Variants in FAM131B observed in about 807,000 individuals in gnomAD.
FAM131B encodes the protein family with sequence similarity 131 member B.
In FAM131B, 19 loss-of-function variants were observed where a neutral mutation model predicts 42.0. The ratio of observed to expected loss-of-function variants is 0.45; its 90% CI spans 0.32 to 0.66. The LOEUF (loss-of-function observed/expected upper bound fraction) is 0.66, where lower values mean the gene tolerates loss of function less well. Ranked by LOEUF, FAM131B falls within the 30% of genes least tolerant of loss-of-function variation. The pLI, the probability that FAM131B is intolerant of heterozygous loss-of-function variation, is 0.05. For synonymous variants in FAM131B, 183 were observed against 177.6 expected (o/e 1.03, Z -0.24); for missense variants, 370 against 468.4 (o/e 0.79, Z 1.94).
chr7:143,356,421 G>A lies in FAM131B; in HGVS notation c.*129C>T, dbSNP rs1803654957. 9.0e-6 allele frequency: 6 copies of A among 669,676 alleles called. No homozygotes were observed. Among genetic ancestry groups the A allele is most frequent in the Non-Finnish European group, 1.5e-5 (6 of 388,836 alleles). 41.5% of individuals were successfully genotyped at this position (669,676 alleles called of 1,614,324 possible). ...ATCCTGGTCCTCCATTTCCAGGAGA[G>A]GACTGGAAGCTCCTGGGTTCCCCAA... is the stretch of plus-strand genomic sequence containing the variant. On this transcript the variant is annotated 3_prime_UTR_variant, in exon 7 of 7. Transcript: ENST00000443739. The surrounding 1 kb of genome is among the most constrained non-coding windows in gnomAD (Gnocchi z 4.4).
chr7:143,374,841 T>C, the FAM131B span, among the ~76,000 whole-genome samples: 1 of 152,254 alleles, frequency 6.6e-6, no homozygotes, highest in African/African-American at 2.4e-5. Flanking sequence ...AGATCTCTGC[T>C]TGGGCTTCCC....
rs186207571 is a variant in FAM131B, at chr7:143,357,111, C to T, written c.611-89G>A. 1.5e-4 allele frequency: 174 copies of T among 1,167,160 alleles called. No homozygotes were observed. The Admixed American group carries it at 3.1e-3, about 21-fold the overall frequency. 72.3% of individuals were successfully genotyped at this position (1,167,160 alleles called of 1,614,324 possible). On this transcript the variant is annotated intron_variant, in intron 6 of 6. Transcript: ENST00000443739. ...GACAGCACAAGAGACAGCTAAGAGA[C>T]AGCACAGAGAACTGGCAGTAAGACA... is the stretch of plus-strand genomic sequence containing the variant.
chr7:143,380,729 C>A, the FAM131B span: 6 of 985,356 alleles, frequency 6.1e-6, no homozygotes, highest in Non-Finnish European at 7.2e-6. This position sits in a 1 kb window ranked among gnomAD's most constrained non-coding sequence, Gnocchi z 5.0. Context: ...CCTCCGGGCA[C>A]AGAGTCAGCT....
chr7:143,365,003 C>T (rs903582731), upstream of FAM131B, among the ~76,000 whole-genome samples: 4 of 152,222 alleles, frequency 2.6e-5, no homozygotes, highest in Non-Finnish European at 5.9e-5. Context: ...AAGCTTCACA[C>T]TGATCCCCAC....
At chr7:143,380,719 C>A in the FAM131B span, 12 of 985,328 alleles carry the variant, frequency 1.2e-5, no homozygotes, top group Middle Eastern at 5.2e-4. This position sits in a 1 kb window ranked among gnomAD's most constrained non-coding sequence, Gnocchi z 5.0. Flanking sequence ...TCACACACCC[C>A]CTCCGGGCAC....
chr7:143,359,104 C>G lies in FAM131B; in HGVS notation c.269-80G>C, dbSNP rs1179669806. The G allele has an allele frequency of 7.0e-7, 1 of 1,427,346 alleles. No homozygotes were observed. Among genetic ancestry groups the G allele is most frequent in the African/African-American group, 1.4e-5 (1 of 71,080 alleles). 88.4% of individuals were successfully genotyped at this position (1,427,346 alleles called of 1,614,324 possible). ...CAGACCCTCCCAGTTCCTCCCACCC[C>G]AGCCCCATGAGGCTCCATCCCACTG... On this transcript the variant is annotated intron_variant, in intron 4 of 6. Coordinates refer to ENST00000443739, the MANE Select transcript of FAM131B (RefSeq NM_001031690.3). The surrounding 1 kb of genome is among the most constrained non-coding windows in gnomAD (Gnocchi z 5.4).
the FAM131B span, chr7:143,380,543 C>T: frequency 4.2e-5 from 41 of 985,510 alleles, no homozygotes; most frequent in South Asian, 9.4e-5. This position sits in a 1 kb window ranked among gnomAD's most constrained non-coding sequence, Gnocchi z 5.0. Flanking sequence ...AGGCGGCCGC[C>T]GCCTCGGCCC....
chr7:143,359,778 A>G lies in FAM131B; in HGVS notation c.139-11T>C. The G allele has an allele frequency of 6.4e-7, 1 of 1,563,470 alleles. No homozygotes were observed. Among genetic ancestry groups the G allele is most frequent in the Non-Finnish European group, 8.7e-7 (1 of 1,153,820 alleles). On this transcript the variant is annotated splice_polypyrimidine_tract_variant and intron_variant, in intron 2 of 6. Coordinates refer to ENST00000443739, the MANE Select transcript of FAM131B (RefSeq NM_001031690.3). The surrounding 1 kb of genome is among the most constrained non-coding windows in gnomAD (Gnocchi z 5.4). Reference sequence around the variant, plus strand: ...ATCAGTTCGAGTTTGCTGTGAGGAGAGAGGAAAGGGAATGGGCATCCCAGT... The same window carrying G: ...ATCAGTTCGAGTTTGCTGTGAGGAGGGAGGAAAGGGAATGGGCATCCCAGT...
At chr7:143,380,816 C>T in the FAM131B span, 2 of 979,524 alleles carry the variant, frequency 2.0e-6, no homozygotes, top group African/African-American at 1.7e-5. This position sits in a 1 kb window ranked among gnomAD's most constrained non-coding sequence, Gnocchi z 5.0. Flanking sequence ...TCCATACGTT[C>T]GGCCACCCCA....
chr7:143,381,393 G>C, the FAM131B span: 6 of 1,188,266 alleles, frequency 5.0e-6, no homozygotes, highest in Non-Finnish European at 6.3e-6. Context: ...GACGCGGCGC[G>C]CACGCTCCGG....
the FAM131B span, chr7:143,382,073 C>T: frequency 5.9e-5 from 37 of 627,444 alleles, 1 homozygote; most frequent in South Asian, 7.3e-4. Context: ...CGGCAGTGCG[C>T]CCGGCCTTTC....
chr7:143,382,114 C>G, the FAM131B span: 3 of 766,046 alleles, frequency 3.9e-6, no homozygotes, highest in Non-Finnish European at 6.1e-6. Flanking sequence ...CGCCCTGCGC[C>G]CCTCCTTTGC....
At position 143,362,012 on chromosome 7, in the gene FAM131B, G is replaced by A; in HGVS notation, c.28+564C>T. On this transcript the variant is annotated intron_variant, in intron 1 of 6. Transcript: ENST00000443739. The surrounding 1 kb of genome is among the most constrained non-coding windows in gnomAD (Gnocchi z 7.7). ...CCCGCCCCCGCCCCAGAGGGAAAAC[G>A]CACGTGAACAAAGCGAATCGGAGGA... 1 of 924,428 alleles carries A rather than the reference G, an allele frequency of 1.1e-6. No homozygotes were observed. The highest frequency in any genetic ancestry group is 1.3e-6 in the Non-Finnish European group (1 of 774,498). 57.3% of individuals were successfully genotyped at this position (924,428 alleles called of 1,614,324 possible). A position where few individuals can be genotyped will look rare whatever the true frequency, so the allele number is the denominator to read the frequency against.
At chr7:143,381,281 T>TCTCC in the FAM131B span, 1 of 1,071,454 alleles carries the variant, frequency 9.3e-7, no homozygotes, top group African/African-American at 1.7e-5. Flanking sequence ...CCCCCTCTCT[T>TCTCC]CTCCCTCCCT....
the FAM131B span, chr7:143,380,077 G>C: frequency 1.0e-6 from 1 of 985,414 alleles, no homozygotes; most frequent in South Asian, 4.7e-5. This position sits in a 1 kb window ranked among gnomAD's most constrained non-coding sequence, Gnocchi z 5.0. Flanking sequence ...CACTCAGTGT[G>C]AACAAGACGA....
chr7:143,356,858 T>C lies in FAM131B; in HGVS notation c.775A>G (p.Ser259Gly). Residue 259 changes from serine to glycine, a missense_variant, in exon 7 of 7, where the codon AGC becomes GGC. Ser to Gly is a moderately conservative substitution (Grantham distance 56, BLOSUM62 0). Coordinates refer to ENST00000443739, the MANE Select transcript of FAM131B (RefSeq NM_001031690.3). This position sits in a 1 kb window ranked among gnomAD's most constrained non-coding sequence, Gnocchi z 4.4. ...LGPAFDDSQP[S>G]LHEMGPSQPA... ...TGGGAAGGTCCCATTTCATGCAAGC[T>C]GGGTTGTGAGTCATCAAATGCAGGC... The C allele has an allele frequency of 6.2e-7, 1 of 1,614,076 alleles. No individual in the cohort carries two copies. Among genetic ancestry groups the C allele is most frequent in the Non-Finnish European group, 8.5e-7 (1 of 1,180,018 alleles).
the FAM131B span, among the ~76,000 whole-genome samples, chr7:143,372,885 G>A: frequency 6.6e-6 from 1 of 151,020 alleles, no homozygotes; most frequent in African/African-American, 2.4e-5. Flanking sequence ...CTTGAACCCG[G>A]GAGGCGGAGG....
At chr7:143,367,367 A>C (rs1223825877), upstream of FAM131B, among the ~76,000 whole-genome samples, 1 of 152,158 alleles carries the variant, frequency 6.6e-6, no homozygotes, top group Admixed American at 6.5e-5. Flanking sequence ...AAATCTTGTA[A>C]AATATTGGGG....
chr7:143,363,611 G>A (rs1053737923), upstream of FAM131B, among the ~76,000 whole-genome samples: 2 of 152,114 alleles, frequency 1.3e-5, no homozygotes, highest in African/African-American at 4.8e-5. Context: ...AAGTTGCAAG[G>A]GTTAAATGAG....
Sources: allele counts gnomAD v4.1 joint callset (sites outside exome capture counted in the v4.1 genomes callset), GRCh38; gene constraint gnomAD v4.1.1; non-coding constraint Gnocchi (gnomAD v3.1); transcripts MANE v1.5; gene names NCBI Gene and HGNC (gene_info 2026-07-23, HGNC 2026-07-21).